Variants in FUBP3 observed in about 807,000 individuals in gnomAD.
The protein encoded by FUBP3 is far upstream element binding protein 3.
In FUBP3, 28 loss-of-function variants were observed where a neutral mutation model predicts 85.6. The observed-to-expected ratio is 0.33, with a 90% confidence interval of 0.24 to 0.45. The LOEUF (loss-of-function observed/expected upper bound fraction) is 0.45, where lower values mean the gene tolerates loss of function less well. FUBP3 is among the 20% of genes least tolerant of loss of function. The pLI, the probability that FUBP3 is intolerant of heterozygous loss-of-function variation, is 1.00. For missense variants in FUBP3, 583 were observed against 755.1 expected, an observed-to-expected ratio of 0.77 and a Z score of 2.67; for synonymous variants, 271 against 271.4, an observed-to-expected ratio of 1.00 and a Z score of 0.01.
intron 16 of FUBP3, among the ~76,000 whole-genome samples, chr9:130,632,669 C>G (rs1303593023): frequency 6.6e-6 from 1 of 152,232 alleles, no homozygotes; most frequent in East Asian, 1.9e-4. Context: ...ACTCCCTGCC[C>G]CTGCCTTGGG....
intron 7 of FUBP3, among the ~76,000 whole-genome samples, chr9:130,617,483 C>G (rs541030126): frequency 6.6e-6 from 1 of 152,230 alleles, no homozygotes; most frequent in Admixed American, 6.5e-5. Flanking sequence ...CACAGAAGTT[C>G]TAATCACATA....
At chr9:130,608,974 C>T (rs554071979) in intron 2 of FUBP3, among the ~76,000 whole-genome samples, 60 of 152,284 alleles carry the variant, frequency 3.9e-4, no homozygotes, top group African/African-American at 1.4e-3. Flanking sequence ...TGGGTGTAAT[C>T]GATCCTTTGC....
Position 130,590,021 on chromosome 9 carries a change from ATTTTTTTTTTTTTT to A in FUBP3, c.85-5445_85-5432del, listed in dbSNP as rs60878897. Among the ~76,000 whole-genome samples the A allele has an allele frequency of 7.6e-4, 35 of 46,002 alleles. No individual in the cohort carries two copies. The Admixed American group carries it at 8.7e-3, about 11-fold the overall frequency. The allele number at this position is 46,002 out of a possible 152,430, so 30.2% of individuals were successfully genotyped here. ...TGAGCCACCACACCCGGCCTATTTA[ATTTTTTTTTTTTTT>A]TTTTTTTTTTTTTTTTGCCTGTGAC... On this transcript the variant is annotated intron_variant, in intron 1 of 18. Coordinates refer to ENST00000319725, the MANE Select transcript of FUBP3 (RefSeq NM_003934.2).
Position 130,626,325 on chromosome 9 carries a change from G to A in FUBP3, c.976-39G>A, listed in dbSNP as rs1055978586. ...AAAAGAGAGGAGCAGTGGTGCTGTG[G>A]CAGTGGCAGAGGTCGCTACAGCCCT... On this transcript the variant is annotated intron_variant, in intron 11 of 18. Coordinates refer to ENST00000319725, the MANE Select transcript of FUBP3 (RefSeq NM_003934.2). 3 of 1,587,950 alleles carry A rather than the reference G, an allele frequency of 1.9e-6. No homozygotes were observed. The African/African-American group carries it at 4.0e-5, about 21-fold the overall frequency.
chr9:130,618,886 C>T (rs1369497339), intron 8 of FUBP3, among the ~76,000 whole-genome samples: 2 of 152,214 alleles, frequency 1.3e-5, no homozygotes, highest in Admixed American at 6.5e-5. Flanking sequence ...GGAGTGAGGG[C>T]AGTGGTGGGT....
intron 1 of FUBP3, among the ~76,000 whole-genome samples, chr9:130,592,163 C>T (rs112507888): frequency 7.7e-4 from 117 of 152,290 alleles, no homozygotes; most frequent in Middle Eastern, 6.8e-3. Context: ...ACCCAGGAGA[C>T]GGAGGTTGCA....
At chr9:130,601,518 C>T (rs888680299) in intron 2 of FUBP3, among the ~76,000 whole-genome samples, 3 of 152,140 alleles carry the variant, frequency 2.0e-5, no homozygotes, top group African/African-American at 7.2e-5. Context: ...GTCCTCACCA[C>T]TGGGGTGGCG....
intron 13 of FUBP3, 69 bp from the exon 14 acceptor site, chr9:130,631,488 G>A: frequency 1.4e-6 from 2 of 1,459,800 alleles, no homozygotes; most frequent in Admixed American, 1.7e-5. Flanking sequence ...TTTGCCTCGG[G>A]GTGGGCCTGG....
intron 2 of FUBP3, among the ~76,000 whole-genome samples, chr9:130,599,757 C>T (rs889651318): frequency 2.0e-5 from 3 of 152,196 alleles, no homozygotes; most frequent in South Asian, 2.1e-4. Flanking sequence ...TCAGTTGTGG[C>T]ACCTTTTTCA....
At chr9:130,583,559 T>A (rs1209599799) in intron 1 of FUBP3, among the ~76,000 whole-genome samples, 1 of 152,244 alleles carries the variant, frequency 6.6e-6, no homozygotes, top group Non-Finnish European at 1.5e-5. Flanking sequence ...AGTGATTGAA[T>A]AGCTCAAGTC....
At chr9:130,599,239 C>T (rs1564197585) in intron 2 of FUBP3, among the ~76,000 whole-genome samples, 1 of 152,000 alleles carries the variant, frequency 6.6e-6, no homozygotes, top group Admixed American at 6.6e-5. Flanking sequence ...TTGCAGTGAG[C>T]CAAGATCGCA....
At chr9:130,618,810 A>G (rs909604581) in intron 8 of FUBP3, among the ~76,000 whole-genome samples, 2 of 152,234 alleles carry the variant, frequency 1.3e-5, no homozygotes, top group African/African-American at 4.8e-5. Flanking sequence ...TATTGCCCCC[A>G]GTTCTGAACC....
chr9:130,592,020 T>C (rs1424730935), intron 1 of FUBP3, among the ~76,000 whole-genome samples: 1 of 152,122 alleles, frequency 6.6e-6, no homozygotes, highest in Non-Finnish European at 1.5e-5. Context: ...TCACCTGAGG[T>C]CAGGAGTTCG....
Position 130,612,548 on chromosome 9 carries a change from T to G in FUBP3, c.274+43T>G. On this transcript the variant is annotated intron_variant, in intron 4 of 18. Transcript: ENST00000319725. This position sits in a 1 kb window ranked among gnomAD's most constrained non-coding sequence, Gnocchi z 4.1. ...CTACTTTTTCCCTGATTCCTGTCTC[T>G]TCTTTTTCTCTCTTTTTTTCTGAGC... The G allele has an allele frequency of 1.6e-6, 2 of 1,223,150 alleles. No homozygotes were observed. The highest frequency in any genetic ancestry group is 2.4e-6 in the Non-Finnish European group (2 of 829,298). The allele number at this position is 1,223,150 out of a possible 1,614,324, so 75.8% of individuals were successfully genotyped here. A position where few individuals can be genotyped will look rare whatever the true frequency, so the allele number is the denominator to read the frequency against.
At chr9:130,608,464 C>A (rs1831575033) in intron 2 of FUBP3, among the ~76,000 whole-genome samples, 1 of 152,152 alleles carries the variant, frequency 6.6e-6, no homozygotes, top group African/African-American at 2.4e-5. Flanking sequence ...GCCAACATAC[C>A]TCCCTCAGGA....
intron 6 of FUBP3, among the ~76,000 whole-genome samples, chr9:130,615,381 C>T (rs1004359392): frequency 2.0e-5 from 3 of 152,214 alleles, no homozygotes; most frequent in Admixed American, 1.3e-4. Flanking sequence ...ATTCCTGCTT[C>T]CTGTCTACCC....
intron 12 of FUBP3, among the ~76,000 whole-genome samples, chr9:130,629,494 C>T (rs1830125781): frequency 6.6e-6 from 1 of 152,252 alleles, no homozygotes; most frequent in Admixed American, 6.5e-5. Context: ...CATTCCTGGA[C>T]CTCTGTAGAG....
At chr9:130,626,309 G>A (rs1269754018) in intron 11 of FUBP3, 55 bp from the exon 12 acceptor site, 1 of 1,562,450 alleles carries the variant, frequency 6.4e-7, no homozygotes, top group Non-Finnish European at 8.7e-7. Flanking sequence ...GAAAAGAGAG[G>A]AGCAGTGGTG....
rs1830213494 is a variant in FUBP3 at position 130,631,617 on chromosome 9, C to A, written c.1339C>A (p.Pro447Thr). ...GQSPFSQPPAPPHQNTFPPRS... is the reference protein window; with the variant it reads ...GQSPFSQPPATPHQNTFPPRS... ...GAGTCCATTCAGCCAGCCACCTGCCCCACCTCATCAAAAGTGAGTCTTTTG... is the reference window on the plus strand; with the variant it reads ...GAGTCCATTCAGCCAGCCACCTGCCACACCTCATCAAAAGTGAGTCTTTTG... The change falls in exon 14 of 19, where the codon CCA (proline) becomes ACA (threonine). Residue 447 changes from proline to threonine, a missense_variant. Transcript: ENST00000319725. The A allele has an allele frequency of 6.2e-7, 1 of 1,612,808 alleles. No individual in the cohort carries two copies.
Sources: allele counts gnomAD v4.1 joint callset (sites outside exome capture counted in the v4.1 genomes callset), GRCh38; gene constraint gnomAD v4.1.1; non-coding constraint Gnocchi (gnomAD v3.1); transcripts MANE v1.5; gene names NCBI Gene and HGNC (gene_info 2026-07-23, HGNC 2026-07-21).